PSME4: variants seen among roughly 807,000 people sequenced by gnomAD.
PSME4 encodes proteasome activator complex subunit 4.
A neutral mutation model predicts 253.9 loss-of-function variants in PSME4; 89 were observed. The observed-to-expected ratio is 0.35, with a 90% confidence interval of 0.30 to 0.42. The LOEUF is 0.42. Among genes scored for constraint, PSME4 ranks in the 10% least tolerant of loss-of-function variants. The pLI is 1.00. For synonymous variants in PSME4, 851 were observed against 759.2 expected (o/e 1.12, Z -1.99); for missense variants, 2,014 against 2,195.2 (o/e 0.92, Z 1.65).
At chr2:53,900,857 G>A (rs1476429411) in intron 28 of PSME4, among the ~76,000 whole-genome samples, 2 of 151,998 alleles carry the variant, frequency 1.3e-5, no homozygotes, top group Non-Finnish European at 2.9e-5. Context: ...ATGTTCTGAG[G>A]GAGTATAAAT....
intron 28 of PSME4, among the ~76,000 whole-genome samples, chr2:53,900,489 T>C (rs1680346968): frequency 6.6e-6 from 1 of 151,744 alleles, no homozygotes; most frequent in Admixed American, 6.6e-5. Flanking sequence ...GGGATGATTA[T>C]GCCACTGCAC....
At chr2:53,915,041 T>A (rs531128527) in intron 20 of PSME4, among the ~76,000 whole-genome samples, 1 of 152,306 alleles carries the variant, frequency 6.6e-6, no homozygotes, top group South Asian at 2.1e-4. Context: ...GAAGACAGGT[T>A]TTCCCATTTA....
chr2:53,874,378 C>A lies in PSME4; in HGVS notation c.5061G>T (p.Arg1687Ser), dbSNP rs373704857. The change falls in exon 43 of 47, where the codon AGG (arginine) becomes AGT (serine). Residue 1687 changes from arginine (R) to serine (S), a missense_variant. Physicochemically the swap from Arg to Ser is moderately radical, Grantham distance 110. Around this residue, in one of 4 missense-constraint regions of PSME4, gnomAD observed 403 missense variants for 556.1 expected, o/e 0.72. Transcript: ENST00000404125. ...LNNEDAVKDI[R>S]WLVISLLEDE... is the part of the protein sequence containing the mutation. ...CCTCCAAAAGACTTATAACCAGCCACCTGATATCTTTAACTGCATCTTCAT... is the reference window on the plus strand; with the variant it reads ...CCTCCAAAAGACTTATAACCAGCCAACTGATATCTTTAACTGCATCTTCAT... 3.1e-6 allele frequency: 5 copies of A among 1,613,946 alleles called. No individual in the cohort carries two copies. The highest frequency in any genetic ancestry group is 4.2e-6 in the Non-Finnish European group (5 of 1,179,966).
rs141237465 is a variant in PSME4, at chr2:53,907,643, C to T, written c.2784+677G>A. On this transcript the variant is annotated intron_variant, in intron 24 of 46. Transcript: ENST00000404125. Reference sequence around the variant, plus strand: ...TACTTAAGAACTGTTAATGACTCTCCTACTGCTGAATATAAAACTGAAACA... The same window carrying T: ...TACTTAAGAACTGTTAATGACTCTCTTACTGCTGAATATAAAACTGAAACA... 3.6e-3 allele frequency among the ~76,000 whole-genome samples: 554 copies of T among 152,258 alleles called. 1 individual carries two copies. The highest frequency in any genetic ancestry group is 6.8e-3 in the Middle Eastern group (2 of 294).
chr2:53,919,045 T>TTAA, intron 20 of PSME4, 106 bp downstream of exon 20: 1 of 1,131,414 alleles, frequency 8.8e-7, no homozygotes, highest in Non-Finnish European at 1.3e-6. Flanking sequence ...AATAAAAAGG[T>TTAA]TAAAGTGATA....
chr2:53,901,870 G>A (rs1328485167), intron 27 of PSME4, among the ~76,000 whole-genome samples: 1 of 152,110 alleles, frequency 6.6e-6, no homozygotes, highest in African/African-American at 2.4e-5. Flanking sequence ...AGGAGTTTGA[G>A]AGCCTGGGCA....
chr2:53,925,869 G>T, intron 13 of PSME4, 90 bp downstream of exon 13: 1 of 1,389,430 alleles, frequency 7.2e-7, no homozygotes, highest in Non-Finnish European at 1.0e-6. Flanking sequence ...CTAAATAAAG[G>T]TTATAATGCA....
rs368493365 is a variant in PSME4 at position 53,942,487 on chromosome 2, A to C, written c.501-2487T>G. On this transcript the variant is annotated intron_variant, in intron 3 of 46. Coordinates refer to ENST00000404125, the MANE Select transcript of PSME4 (RefSeq NM_014614.3). The stretch of plus-strand genomic sequence containing the variant: ...TTGAAAAAGAAAGCCACAGTAGTGC[A>C]TATAATGGTTTACAGTTTGGCCTTA... 2.5e-4 allele frequency among the ~76,000 whole-genome samples: 38 copies of C among 152,226 alleles called. No homozygotes were observed. The South Asian group carries it at 7.7e-3, about 31-fold the overall frequency.
intron 20 of PSME4, among the ~76,000 whole-genome samples, chr2:53,918,404 A>T (rs1558681979): frequency 6.6e-6 from 1 of 152,152 alleles, no homozygotes; most frequent in Non-Finnish European, 1.5e-5. Flanking sequence ...CCCAGGCTAG[A>T]GTGCAGCAGC....
At chr2:53,951,411 C>G (rs996147816) in intron 1 of PSME4, among the ~76,000 whole-genome samples, 7 of 152,184 alleles carry the variant, frequency 4.6e-5, no homozygotes, top group African/African-American at 1.4e-4. Context: ...GTTAGGGCAT[C>G]TAACTGCTTT....
chr2:53,934,457 A>G (rs878873608), intron 8 of PSME4, 148 bp downstream of exon 8: 9 of 747,508 alleles, frequency 1.2e-5, no homozygotes, highest in Middle Eastern at 5.8e-4. Context: ...TGGATTTGAT[A>G]AACATGAGCT....
At chr2:53,922,635 A>G in intron 16 of PSME4, 51 bp from the exon 17 acceptor site, 1 of 1,566,334 alleles carries the variant, frequency 6.4e-7, no homozygotes, top group Non-Finnish European at 8.6e-7. Context: ...ATTCAACTAA[A>G]TATAGCATTT....
At chr2:53,908,173 C>G (rs1667654404) in intron 24 of PSME4, 147 bp downstream of exon 24, 3 of 592,346 alleles carry the variant, frequency 5.1e-6, no homozygotes, top group East Asian at 5.8e-5. Context: ...TGATTTCTAC[C>G]ATGATGTTTT....
rs1403004278 is a variant in PSME4, at chr2:53,874,498, T to C, written c.4945-4A>G. 10 of 1,612,740 alleles carry C rather than the reference T, an allele frequency of 6.2e-6. No homozygotes were observed. Among genetic ancestry groups the C allele is most frequent in the Non-Finnish European group, 8.5e-6 (10 of 1,179,666 alleles). On this transcript the variant is annotated splice_region_variant and splice_polypyrimidine_tract_variant and intron_variant, in intron 42 of 46. Transcript: ENST00000404125. ...GCCAAGAACTGCTTCTTGCTGTCTG[T>C]GAATGACAAATAAATATAAACGATA...
intron 1 of PSME4, among the ~76,000 whole-genome samples, chr2:53,954,200 C>T (rs903189593): frequency 1.4e-4 from 22 of 152,130 alleles, no homozygotes; most frequent in Admixed American, 3.3e-4. Flanking sequence ...TGGCGGCACG[C>T]GCCTGCAAAC....
intron 20 of PSME4, among the ~76,000 whole-genome samples, chr2:53,912,819 A>G (rs1280408850): frequency 1.3e-5 from 2 of 152,166 alleles, no homozygotes; most frequent in African/African-American, 2.4e-5. Context: ...CCATTACCCA[A>G]GTAAAATATC....
rs942728341 is a variant in PSME4 at position 53,864,265 on chromosome 2, T to A, written c.*1313A>T. 6.6e-6 allele frequency: 1 copy of A among 152,418 alleles called. No individual in the cohort carries two copies. 9.4% of individuals were successfully genotyped at this position (152,418 alleles called of 1,614,324 possible). A position where few individuals can be genotyped will look rare whatever the true frequency, so the allele number is the denominator to read the frequency against. On this transcript the variant is annotated 3_prime_UTR_variant, in exon 47 of 47. Transcript: ENST00000404125. The stretch of plus-strand genomic sequence containing the variant: ...ACTGTAGTGTTCCTTTAAGGAAGAC[T>A]GTACAGGGTGTGTTGCAAGATGACA...
At chr2:53,880,972 A>C (rs1679354784) in intron 41 of PSME4, among the ~76,000 whole-genome samples, 1 of 152,204 alleles carries the variant, frequency 6.6e-6, no homozygotes, top group Non-Finnish European at 1.5e-5. Context: ...TCATCTGTTG[A>C]ATCAGCCGTC....
intron 1 of PSME4, among the ~76,000 whole-genome samples, chr2:53,952,327 G>C (rs182423283): frequency 6.6e-6 from 1 of 152,254 alleles, no homozygotes; most frequent in East Asian, 1.9e-4. Context: ...CGGATCACGA[G>C]GTCAAGAGAT....
Sources: gnomAD v4.1 joint callset for allele counts (sites outside exome capture counted in the v4.1 genomes callset) on GRCh38, gnomAD v4.1.1 for gene constraint, gnomAD v4.1.1 regional missense constraint, MANE v1.5 for transcripts, NCBI Gene and HGNC (gene_info 2026-07-23, HGNC 2026-07-21) for gene names.